PLXNB1: variants seen among roughly 807,000 people sequenced by gnomAD.
PLXNB1 encodes the protein plexin B1.
In PLXNB1, 106 loss-of-function variants were observed where a neutral mutation model predicts 209.4. The observed-to-expected ratio is 0.51, with a 90% CI of 0.43 to 0.59. The LOEUF (loss-of-function observed/expected upper bound fraction) is 0.59. PLXNB1 is among the 20% of genes least tolerant of loss of function. The probability of loss-of-function intolerance (pLI) is 0.00; values close to 1 mark genes in which losing one functional copy is unlikely to be tolerated. For synonymous variants in PLXNB1, 1,167 were observed against 1,183.2 expected (o/e 0.99, Z 0.28); for missense variants, 2,357 against 2,853.2 (o/e 0.83, Z 3.96).
At position 48,418,823 on chromosome 3, in the gene PLXNB1, G is replaced by T. The variant is rs999826944; in HGVS notation, c.2955+94C>A. 2 of 1,496,526 alleles carry T rather than the reference G, an allele frequency of 1.3e-6. No individual in the cohort carries two copies. The highest frequency in any genetic ancestry group is 1.8e-6 in the Non-Finnish European group (2 of 1,085,134). 92.7% of individuals were successfully genotyped at this position (1,496,526 alleles called of 1,614,324 possible). On this transcript the variant is annotated intron_variant, in intron 13 of 37. Transcript: ENST00000296440. This position sits in a 1 kb window ranked among gnomAD's most constrained non-coding sequence, Gnocchi z 6.6. ...CTCAGGGCGACACGGTCAGAGCGTG[G>T]CTCTGGAAAGTGTGGTGCAGCCAGC...
chr3:48,423,399 CG>C, intron 3 of PLXNB1, 105 bp downstream of exon 3: 3 of 1,239,662 alleles, frequency 2.4e-6, no homozygotes, highest in Non-Finnish European at 3.5e-6. Flanking sequence ...TGATCATCCT[CG>C]TGCTACCACC....
rs751322857 is a variant in PLXNB1, at chr3:48,420,129, G to A, written c.2157C>T (p.Ala719=). 2 of 1,612,746 alleles carry A rather than the reference G, an allele frequency of 1.2e-6. No individual in the cohort carries two copies. The highest frequency in any genetic ancestry group is 1.7e-6 in the Non-Finnish European group (2 of 1,179,642). ...LPVEPGAPST[A]TASDISPGAS... ...CCCCAGGTGAGATGTCCGAAGCTGT[G>A]GCTGTGGAGGGAGCCCCAGGCTCCA... The change falls in exon 11 of 38, where the codon GCC becomes GCT. Residue 719 remains alanine, a synonymous_variant. Transcript: ENST00000296440.
rs2038683069 is a variant in PLXNB1 at position 48,423,630 on chromosome 3, C to T, written c.982G>A (p.Glu328Lys). The change falls in exon 3 of 38, where the codon GAG becomes AAG. Residue 328 changes from glutamate to lysine, a missense_variant. Glu to Lys is a moderately conservative substitution (Grantham distance 56, BLOSUM62 1). This residue lies in a region of PLXNB1 where 404 missense variants were observed against 443.6 expected (regional missense o/e 0.91). Transcript: ENST00000296440. ...GTGCGATTAGCAAGCCGGTCCACCT[C>T]ATCCAGGGGGAAGGCACAGAGGGCA... ...ASALCAFPLD[E>K]VDRLANRTRD... 1.2e-6 allele frequency: 2 copies of T among 1,614,226 alleles called. No homozygotes were observed. Among genetic ancestry groups the T allele is most frequent in the Non-Finnish European group, 1.7e-6 (2 of 1,180,036 alleles).
At chr3:48,425,440 G>T (rs1433707138) in intron 1 of PLXNB1, 107 bp from the exon 2 acceptor site, 2 of 152,270 alleles carry the variant, frequency 1.3e-5, no homozygotes, top group South Asian at 4.1e-4. Flanking sequence ...CCTCCCCACC[G>T]CCCAGCCTGC....
rs764871884 is a variant in PLXNB1, at chr3:48,410,296, G to T, written c.5605C>A (p.Arg1869=). 6.2e-7 allele frequency: 1 copy of T among 1,605,036 alleles called. No individual in the cohort carries two copies. Among genetic ancestry groups the T allele is most frequent in the African/African-American group, 1.3e-5 (1 of 74,974 alleles). The change falls in exon 31 of 38, where the codon CGG becomes AGG. Residue 1869 remains arginine, a splice_region_variant and synonymous_variant. Coordinates refer to ENST00000296440, the MANE Select transcript of PLXNB1 (RefSeq NM_001130082.3). The surrounding 1 kb of genome is among the most constrained non-coding windows in gnomAD (Gnocchi z 6.4). ...GGACCGTGATGGGAGCGGTACTCAC[G>T]CTCTCCAGGGACATAATCCTGGTTT... ...RENQDYVPGE[R]TPMLEDVDEG...
Position 48,422,909 on chromosome 3 carries a change from C to T in PLXNB1, c.1146G>A (p.Thr382=), listed in dbSNP as rs2106951035. The T allele has an allele frequency of 6.2e-7, 1 of 1,614,014 alleles. No homozygotes were observed. Among genetic ancestry groups the T allele is most frequent in the Non-Finnish European group, 8.5e-7 (1 of 1,179,944 alleles). ...LDAYPCGSDH[T]PSPMASRVPL... ...GGACCCGGCTGGCCATGGGGCTGGG[C>T]GTGTGGTCTGAGCCACAGGGATAAG... Residue 382 remains threonine, a synonymous_variant, in exon 4 of 38, where the codon ACG becomes ACA. Transcript: ENST00000296440.
At position 48,415,443 on chromosome 3, in the gene PLXNB1, C is replaced by T; in HGVS notation, c.3795-96G>A. The T allele has an allele frequency of 9.6e-6, 14 of 1,462,742 alleles. No homozygotes were observed. Among genetic ancestry groups the T allele is most frequent in the Non-Finnish European group, 1.3e-5 (14 of 1,074,696 alleles). 90.6% of individuals were successfully genotyped at this position (1,462,742 alleles called of 1,614,324 possible). A position where few individuals can be genotyped will look rare whatever the true frequency, so the allele number is the denominator to read the frequency against. On this transcript the variant is annotated intron_variant, in intron 19 of 37. Transcript: ENST00000296440. The surrounding 1 kb of genome is among the most constrained non-coding windows in gnomAD (Gnocchi z 5.0). Reference sequence around the variant, plus strand: ...CCGGCTAGGTCAGCTCAGCCCCAGCCCCAAACCACACGACCCCTTGCCCCT... The same window carrying T: ...CCGGCTAGGTCAGCTCAGCCCCAGCTCCAAACCACACGACCCCTTGCCCCT...
At chr3:48,427,533 T>C (rs2038955993) in intron 1 of PLXNB1, among the ~76,000 whole-genome samples, 1 of 152,116 alleles carries the variant, frequency 6.6e-6, no homozygotes, top group South Asian at 2.1e-4. Flanking sequence ...TTGAGCAGAA[T>C]TGAGTACACC....
chr3:48,412,326 G>A (rs779829114), intron 26 of PLXNB1, 22 bp from the exon 27 acceptor site: 7 of 1,613,804 alleles, frequency 4.3e-6, no homozygotes, highest in Non-Finnish European at 5.1e-6. Context: ...GGAAAGGGGA[G>A]TGCCAGGGTC....
chr3:48,425,082 C>G (rs1446360833), intron 2 of PLXNB1, among the ~76,000 whole-genome samples, 199 bp downstream of exon 2: 2 of 152,200 alleles, frequency 1.3e-5, no homozygotes, highest in African/African-American at 2.4e-5. Context: ...ATGTTAGAAT[C>G]AAGACAAGAG....
chr3:48,414,371 G>C (rs2037924218), intron 21 of PLXNB1, among the ~76,000 whole-genome samples: 2 of 152,184 alleles, frequency 1.3e-5, no homozygotes, highest in African/African-American at 2.4e-5. Context: ...TGACTCACCA[G>C]GGGGGTGATG....
rs374428886 is a variant in PLXNB1, at chr3:48,420,681, A to G, written c.2012T>C (p.Met671Thr). The G allele has an allele frequency of 2.1e-5, 34 of 1,612,592 alleles. No homozygotes were observed. The highest frequency in any genetic ancestry group is 2.9e-5 in the Non-Finnish European group (34 of 1,179,004). Residue 671 changes from methionine (M) to threonine (T), a missense_variant, in exon 10 of 38, where the codon ATG (methionine) becomes ACG (threonine). Transcript: ENST00000296440. The stretch of plus-strand genomic sequence containing the variant: ...CACACTCACCTGATGGCTTGCAACC[A>G]TGGGCCCAGCATCACACGAGGCCTT... Reference protein sequence around the residue: ...THKASCDAGPMVASHQSPLVS... With the variant: ...THKASCDAGPTVASHQSPLVS...
At chr3:48,427,827 G>A (rs921012039) in intron 1 of PLXNB1, among the ~76,000 whole-genome samples, 6 of 152,156 alleles carry the variant, frequency 3.9e-5, no homozygotes, top group African/African-American at 1.2e-4. Context: ...CGCTGCATGC[G>A]GTGGACAGAA....
Position 48,424,120 on chromosome 3 carries a change from G to C in PLXNB1, c.492C>G (p.Pro164=), listed in dbSNP as rs775771327. 1 of 1,554,626 alleles carries C rather than the reference G, an allele frequency of 6.4e-7. No individual in the cohort carries two copies. Among genetic ancestry groups the C allele is most frequent in the Non-Finnish European group, 8.7e-7 (1 of 1,149,304 alleles). The change falls in exon 3 of 38, where the codon CCC becomes CCG. Residue 164 remains proline (P), a synonymous_variant. Coordinates refer to ENST00000296440, the MANE Select transcript of PLXNB1 (RefSeq NM_001130082.3). ...TGTATCCTCGCCCCACAAACAGGAG[G>C]GGCTCCCCTGCCAAGCCCTGGGCTA... ...GLVAQGLAGE[P]LLFVGRGYTS...
In PLXNB1 at chr3:48,405,193, A is replaced by G. The variant is rs919939233; in HGVS notation, c.6303+531T>C. Among the ~76,000 whole-genome samples, 1 of 152,192 alleles carries G rather than the reference A, an allele frequency of 6.6e-6. No homozygotes were observed. The highest frequency in any genetic ancestry group is 1.5e-5 in the Non-Finnish European group (1 of 68,022). On this transcript the variant is annotated intron_variant, in intron 37 of 37. Coordinates refer to ENST00000296440, the MANE Select transcript of PLXNB1 (RefSeq NM_001130082.3). The surrounding 1 kb of genome is among the most constrained non-coding windows in gnomAD (Gnocchi z 5.0). ...TCCTCATCTCTGAGCAGCAATAGCC[A>G]TGTCACTGGTGCCACACAAACATCT...
chr3:48,413,240 C>T lies in PLXNB1; in HGVS notation c.4536-71G>A. ...TCGCCCAGGCCTGCCTGACAATCCC[C>T]AGGCACACCCCGGCCTCATCCAGCA... On this transcript the variant is annotated intron_variant, in intron 23 of 37. Transcript: ENST00000296440. The surrounding 1 kb of genome is among the most constrained non-coding windows in gnomAD (Gnocchi z 5.4). 2 of 1,200,764 alleles carry T rather than the reference C, an allele frequency of 1.7e-6. No individual in the cohort carries two copies. Among genetic ancestry groups the T allele is most frequent in the Non-Finnish European group, 2.4e-6 (2 of 816,598 alleles). The allele number at this position is 1,200,764 out of a possible 1,614,324, so 74.4% of individuals were successfully genotyped here. A position where few individuals can be genotyped will look rare whatever the true frequency, so the allele number is the denominator to read the frequency against.
chr3:48,409,617 G>T lies in PLXNB1; in HGVS notation c.5893C>A (p.His1965Asn). Reference protein sequence around the residue: ...FDLLDEQAQQHGISDQDTIHI... With the variant: ...FDLLDEQAQQNGISDQDTIHI... ...ATGGTGTCCTGGTCGGAGATGCCAT[G>T]CTGCTGGGCCTGCTCATCCAGCAGG... Residue 1965 changes from histidine (H) to asparagine (N), a missense_variant, in exon 33 of 38, where the codon CAT becomes AAT. Transcript: ENST00000296440. This position sits in a 1 kb window ranked among gnomAD's most constrained non-coding sequence, Gnocchi z 5.8. The T allele has an allele frequency of 6.2e-7, 1 of 1,614,066 alleles. No homozygotes were observed. The highest frequency in any genetic ancestry group is 8.5e-7 in the Non-Finnish European group (1 of 1,180,002).
chr3:48,428,828 G>C (rs750243673), intron 1 of PLXNB1, among the ~76,000 whole-genome samples: 3 of 141,836 alleles, frequency 2.1e-5, no homozygotes, highest in Non-Finnish European at 3.1e-5. Context: ...CACCCGCCCG[G>C]GGGTCAGGAG....
chr3:48,422,249 G>A, intron 5 of PLXNB1, 44 bp from the exon 6 acceptor site: 1 of 1,611,758 alleles, frequency 6.2e-7, no homozygotes, highest in African/African-American at 1.3e-5. Flanking sequence ...CCAAACACCA[G>A]TGGCTCACCC....
Sources: allele counts gnomAD v4.1 joint callset (sites outside exome capture counted in the v4.1 genomes callset), GRCh38; gene constraint gnomAD v4.1.1; regional missense constraint gnomAD v4.1.1; non-coding constraint Gnocchi (gnomAD v3.1); transcripts MANE v1.5; gene names NCBI Gene and HGNC (gene_info 2026-07-23, HGNC 2026-07-21).